ESCO1: variants seen among roughly 807,000 people sequenced by gnomAD.
ESCO1 encodes establishment of sister chromatid cohesion N-acetyltransferase 1, also known as N-acetyltransferase ESCO1.
A neutral mutation model predicts 83.5 loss-of-function variants in ESCO1; 33 were observed. The ratio of observed to expected loss-of-function variants is 0.40; its 90% confidence interval spans 0.30 to 0.53. The LOEUF is 0.53. Ranked by LOEUF, ESCO1 falls within the 20% of genes least tolerant of loss-of-function variation. The pLI, the probability that ESCO1 is intolerant of heterozygous loss-of-function variation, is 0.63. For synonymous variants in ESCO1, 332 were observed against 324.3 expected (o/e 1.02, Z -0.25); for missense variants, 855 against 968.0 (o/e 0.88, Z 1.55).
chr18:21,546,811 T>C (rs1184829910), intron 8 of ESCO1, among the ~76,000 whole-genome samples: 1 of 152,232 alleles, frequency 6.6e-6, no homozygotes, highest in East Asian at 1.9e-4. Context: ...CCTCCCAAAG[T>C]GCTGGGATTA....
chr18:21,596,815 C>G (rs1420623780), intron 1 of ESCO1: 1 of 152,108 alleles, frequency 6.6e-6, no homozygotes, highest in Non-Finnish European at 1.5e-5. Flanking sequence ...CAGAGCAAGA[C>G]TCCGTCTCAA....
chr18:21,597,999 T>C (rs368408946), intron 1 of ESCO1, among the ~76,000 whole-genome samples: 2 of 152,178 alleles, frequency 1.3e-5, no homozygotes, highest in Non-Finnish European at 2.9e-5. Context: ...AGGATTTTCA[T>C]TGAATGATCC....
Position 21,532,594 on chromosome 18 carries a change from T to C in ESCO1, c.2254A>G (p.Arg752Gly), listed in dbSNP as rs776095344. 7.4e-6 allele frequency: 12 copies of C among 1,614,162 alleles called. No individual in the cohort carries two copies. Among genetic ancestry groups the C allele is most frequent in the Non-Finnish European group, 1.0e-5 (12 of 1,180,010 alleles). The change falls in exon 11 of 12, where the codon AGG (arginine) becomes GGG (glycine). Residue 752 changes from arginine to glycine, a missense_variant. By Grantham distance (125) the Arg-to-Gly change is moderately radical. Coordinates refer to ENST00000269214, the MANE Select transcript of ESCO1 (RefSeq NM_052911.3). ...GTTGAGCAGCACCAGGCTTTTTGCC[T>C]TTCAAATCTGACTTTTTCTTCTTCT... Reference protein sequence around the residue: ...RSEEEKVRFERQKAWCCSTLP... With the variant: ...RSEEEKVRFEGQKAWCCSTLP...
chr18:21,543,308 C>A (rs1161759366), intron 8 of ESCO1, among the ~76,000 whole-genome samples: 3 of 152,168 alleles, frequency 2.0e-5, no homozygotes, highest in Admixed American at 2.0e-4. Flanking sequence ...GCATGTGCCA[C>A]CACGCCGAGC....
At chr18:21,544,381 C>A (rs183919106) in intron 8 of ESCO1, among the ~76,000 whole-genome samples, 18 of 150,936 alleles carry the variant, frequency 1.2e-4, no homozygotes, top group African/African-American at 4.4e-4. Flanking sequence ...CCAAGGCAGG[C>A]GGATTACCTG....
chr18:21,571,094 A>C (rs971804389), intron 4 of ESCO1, among the ~76,000 whole-genome samples: 1 of 152,188 alleles, frequency 6.6e-6, no homozygotes. Flanking sequence ...GGTGGTAGAC[A>C]TATGAGAGTA....
intron 9 of ESCO1, 47 bp downstream of exon 9, chr18:21,539,873 G>T: frequency 8.0e-6 from 12 of 1,499,762 alleles, no homozygotes; most frequent in Admixed American, 3.7e-5. Context: ...AAAATTAACT[G>T]CAAAATGATA....
intron 3 of ESCO1, 65 bp downstream of exon 3, chr18:21,575,607 C>A: frequency 2.5e-6 from 1 of 398,140 alleles, no homozygotes; most frequent in Non-Finnish European, 4.4e-6. Flanking sequence ...TATGAATAAT[C>A]AATAACTTGT....
chr18:21,538,567 T>G (rs1477805934), intron 9 of ESCO1, among the ~76,000 whole-genome samples: 1 of 152,176 alleles, frequency 6.6e-6, no homozygotes, highest in Non-Finnish European at 1.5e-5. Flanking sequence ...AAACAGAGTA[T>G]CTAAAGTTAA....
At chr18:21,531,927 TAAA>T in intron 11 of ESCO1, among the ~76,000 whole-genome samples, 1 of 146,080 alleles carries the variant, frequency 6.8e-6, no homozygotes, top group Non-Finnish European at 1.5e-5. Flanking sequence ...TTGGCTGACC[TAAA>T]AACCTCTTTT....
At position 21,587,904 on chromosome 18, in the gene ESCO1, AAAAC is replaced by A. The variant is rs1292016335; in HGVS notation, c.-824-3468_-824-3465del. 7.2e-5 allele frequency among the ~76,000 whole-genome samples: 11 copies of A among 152,080 alleles called. No homozygotes were observed. In the East Asian group the frequency reaches 9.6e-4, roughly 13 times the overall value. Reference sequence around the variant, plus strand: ...GCAACACAGCAAAACGTCAAAACAAAAAACAAACAAACAACAACAAAATAAAACA... The same window carrying A: ...GCAACACAGCAAAACGTCAAAACAAAAAACAAACAACAACAAAATAAAACA... On this transcript the variant is annotated intron_variant, in intron 1 of 11. Transcript: ENST00000269214.
intron 1 of ESCO1, among the ~76,000 whole-genome samples, chr18:21,600,398 G>C (rs541969974): frequency 9.2e-5 from 14 of 152,388 alleles, no homozygotes; most frequent in Admixed American, 4.6e-4. Context: ...GGACACGCGA[G>C]CACGTTAGCT....
intron 4 of ESCO1, among the ~76,000 whole-genome samples, chr18:21,572,192 T>C (rs2038350159): frequency 6.6e-6 from 1 of 152,234 alleles, no homozygotes. Flanking sequence ...TCTAATTCTA[T>C]TTGTGCCACC....
At chr18:21,541,327 G>A (rs2037903292) in intron 8 of ESCO1, among the ~76,000 whole-genome samples, 1 of 152,088 alleles carries the variant, frequency 6.6e-6, no homozygotes, top group Non-Finnish European at 1.5e-5. Context: ...AAGGCCGGGT[G>A]CAGTGGCTCA....
chr18:21,589,167 A>T (rs989902843), intron 1 of ESCO1, among the ~76,000 whole-genome samples: 6 of 151,222 alleles, frequency 4.0e-5, no homozygotes, highest in African/African-American at 1.5e-4. Flanking sequence ...TGAACCTGGG[A>T]GGTAGAGGAT....
intron 11 of ESCO1, 143 bp downstream of exon 11, chr18:21,532,330 A>G (rs1213847604): frequency 1.3e-6 from 1 of 796,082 alleles, no homozygotes; most frequent in Non-Finnish European, 1.9e-6. Flanking sequence ...TTACAGATCC[A>G]ATACACTGAT....
At chr18:21,535,261 C>T (rs1327021856) in intron 10 of ESCO1, among the ~76,000 whole-genome samples, 1 of 151,570 alleles carries the variant, frequency 6.6e-6, no homozygotes, top group Non-Finnish European at 1.5e-5. Context: ...GTCACCCAGG[C>T]TGGAGTGCAA....
At chr18:21,582,214 G>A (rs539560921) in intron 2 of ESCO1, among the ~76,000 whole-genome samples, 1 of 151,864 alleles carries the variant, frequency 6.6e-6, no homozygotes, top group South Asian at 2.1e-4. Flanking sequence ...TTAAAACACA[G>A]ATTAAAGTAT....
chr18:21,595,449 C>T (rs2038750983), intron 1 of ESCO1, among the ~76,000 whole-genome samples: 1 of 150,552 alleles, frequency 6.6e-6, no homozygotes, highest in Non-Finnish European at 1.5e-5. Flanking sequence ...GCGGGTGGAT[C>T]ACGAGGTCAG....
Sources: allele counts gnomAD v4.1 joint callset (sites outside exome capture counted in the v4.1 genomes callset), GRCh38; gene constraint gnomAD v4.1.1; transcripts MANE v1.5; gene names NCBI Gene and HGNC (gene_info 2026-07-23, HGNC 2026-07-21).